NDUFS8: variants seen among roughly 807,000 people sequenced by gnomAD.
The protein encoded by NDUFS8 is NADH:ubiquinone oxidoreductase core subunit S8, also known as NADH dehydrogenase [ubiquinone] iron-sulfur protein 8, mitochondrial.
Under a neutral mutation model 25.6 loss-of-function variants are expected in NDUFS8, and 13 were observed. The ratio of observed to expected loss-of-function variants is 0.51; its 90% CI spans 0.33 to 0.81. The LOEUF (loss-of-function observed/expected upper bound fraction) is 0.81, where lower values mean the gene tolerates loss of function less well. Among genes scored for constraint, NDUFS8 ranks in the 30% least tolerant of loss-of-function variants. The pLI, the probability that NDUFS8 is intolerant of heterozygous loss-of-function variation, is 0.02. For missense variants in NDUFS8, 257 were observed against 300.9 expected (o/e 0.85, Z 1.08); for synonymous variants, 119 against 119.4 (o/e 1.00, Z 0.02).
In NDUFS8 at chr11:68,032,302, G is replaced by C. The variant is rs753486707; in HGVS notation, c.75G>C (p.Arg25=). ...TTTTTGCAGGACCTCCTGGTGGCCG[G>C]AGCCTCCACAGCAGTGCAGTGGCAG... ...QAARAGPPGG[R]SLHSSAVAAT... is the part of the protein sequence containing the mutation. The change falls in exon 3 of 7, where the codon CGG becomes CGC. Residue 25 remains arginine (R), a synonymous_variant. Coordinates refer to ENST00000313468, the MANE Select transcript of NDUFS8 (RefSeq NM_002496.4). 1 of 1,613,750 alleles carries C rather than the reference G, an allele frequency of 6.2e-7. No homozygotes were observed. Among genetic ancestry groups the C allele is most frequent in the Non-Finnish European group, 8.5e-7 (1 of 1,180,012 alleles).
intron 4 of NDUFS8, 25 bp downstream of exon 4, chr11:68,033,037 G>C (rs759069198): frequency 3.1e-6 from 5 of 1,613,504 alleles, no homozygotes; most frequent in Non-Finnish European, 4.2e-6. Flanking sequence ...TGAGGGGACA[G>C]GGAAGGTGCC....
At chr11:68,032,527 A>G in intron 3 of NDUFS8, 191 bp downstream of exon 3, 1 of 1,494,062 alleles carries the variant, frequency 6.7e-7, no homozygotes, top group South Asian at 1.3e-5. Flanking sequence ...TGCCGAGGTT[A>G]GCATGTGTGA....
At chr11:68,035,798 T>C in intron 5 of NDUFS8, 1 of 441,732 alleles carries the variant, frequency 2.3e-6, no homozygotes, top group Non-Finnish European at 4.5e-6. Flanking sequence ...GGTAAGCGGA[T>C]CACAAGGTCA....
rs753927337 is a variant in NDUFS8 at position 68,036,581 on chromosome 11, C to G, written c.621C>G (p.Tyr207Ter). ...TCGCCGCCAACATCCAGGCTGACTA[C>G]TTGTATCGGTGACGCCCCACCGGCC... Reference protein sequence around the residue: ...AEIAANIQADYLYR With the variant: ...AEIAANIQAD The change falls in exon 7 of 7, where the codon TAC (tyrosine) becomes TAG (stop). Residue 207 changes from tyrosine (Y) to a stop codon, truncating the protein, a stop_gained. Transcript: ENST00000313468. LOFTEE classifies it high-confidence loss of function. The G allele has an allele frequency of 6.2e-7, 1 of 1,613,908 alleles. No homozygotes were observed. The highest frequency in any genetic ancestry group is 8.5e-7 in the Non-Finnish European group (1 of 1,180,010).
At chr11:68,032,657 T>G in intron 3 of NDUFS8, 2 of 899,530 alleles carry the variant, frequency 2.2e-6, no homozygotes, top group Non-Finnish European at 3.3e-6. Context: ...CCCCCCTTGA[T>G]TCCTCTTTCA....
chr11:68,032,574 C>T (rs1043794478), intron 3 of NDUFS8: 14 of 1,423,362 alleles, frequency 9.8e-6, no homozygotes, highest in South Asian at 1.4e-5. Flanking sequence ...GAGGGGGTTG[C>T]CAGGTGTGAG....
At position 68,033,180 on chromosome 11, in the gene NDUFS8, C is replaced by G. The variant is rs746246241; in HGVS notation, c.269C>G (p.Pro90Arg). ...ATCAACTACCCGTTCGAGAAGGGCC[C>G]GCTGAGCCCTCGCTTCCGTGGGGAG... Reference protein sequence around the residue: ...ATINYPFEKGPLSPRFRGEHA... With the variant: ...ATINYPFEKGRLSPRFRGEHA... Residue 90 changes from proline (P) to arginine (R), a missense_variant, in exon 5 of 7, where the codon CCG becomes CGG. Coordinates refer to ENST00000313468, the MANE Select transcript of NDUFS8 (RefSeq NM_002496.4). 2 of 1,612,394 alleles carry G rather than the reference C, an allele frequency of 1.2e-6. No individual in the cohort carries two copies. Among genetic ancestry groups the G allele is most frequent in the Non-Finnish European group, 1.7e-6 (2 of 1,179,652 alleles).
At chr11:68,033,312 G>A (rs1242044473) in intron 5 of NDUFS8, 29 bp downstream of exon 5, 7 of 1,583,924 alleles carry the variant, frequency 4.4e-6, no homozygotes, top group African/African-American at 1.3e-5. Context: ...CGGCCACCAC[G>A]CCAGCCCCTG....
At position 68,032,305 on chromosome 11, in the gene NDUFS8, C is replaced by G. The variant is rs779201630; in HGVS notation, c.78C>G (p.Ser26Arg). The G allele has an allele frequency of 3.7e-6, 6 of 1,613,744 alleles. No individual in the cohort carries two copies. The highest frequency in any genetic ancestry group is 5.1e-6 in the Non-Finnish European group (6 of 1,180,016). Residue 26 changes from serine to arginine, a missense_variant, in exon 3 of 7, where the codon AGC becomes AGG. Coordinates refer to ENST00000313468, the MANE Select transcript of NDUFS8 (RefSeq NM_002496.4). ...AARAGPPGGR[S>R]LHSSAVAATY... ...TTGCAGGACCTCCTGGTGGCCGGAG[C>G]CTCCACAGCAGTGCAGTGGCAGCCA...
chr11:68,030,841 C>A, intron 1 of NDUFS8, 108 bp downstream of exon 1: 1 of 426,528 alleles, frequency 2.3e-6, no homozygotes, highest in South Asian at 1.6e-5. Context: ...GGCTTCCCCT[C>A]GGCTCACTCA....
At chr11:68,033,067 G>A (rs1211977177) in intron 4 of NDUFS8, 44 bp from the exon 5 acceptor site, 21 of 1,613,124 alleles carry the variant, frequency 1.3e-5, no homozygotes, top group Admixed American at 3.3e-5. Context: ...CGGATGCATG[G>A]GGGAGGAGGG....
At chr11:68,032,559 A>T (rs1391076394) in intron 3 of NDUFS8, 2 of 1,456,740 alleles carry the variant, frequency 1.4e-6, no homozygotes, top group African/African-American at 2.8e-5. Flanking sequence ...CCTGGGTGTG[A>T]TGGGGAGGGG....
intron 5 of NDUFS8, 141 bp downstream of exon 5, chr11:68,033,424 G>A (rs934312122): frequency 2.1e-5 from 21 of 985,078 alleles, no homozygotes; most frequent in Admixed American, 6.0e-5. Flanking sequence ...CACTTCCCTC[G>A]TGAATGGGAA....
chr11:68,032,007 C>A, intron 1 of NDUFS8, 145 bp from the exon 2 acceptor site: 1 of 1,191,628 alleles, frequency 8.4e-7, no homozygotes, highest in Non-Finnish European at 1.2e-6. Context: ...AACAGGAAAG[C>A]CATCTGTGCC....
At position 68,030,700 on chromosome 11, in the gene NDUFS8, T is replaced by G; in HGVS notation, c.-34T>G. The G allele has an allele frequency of 3.0e-6, 1 of 331,678 alleles. No individual in the cohort carries two copies. Among genetic ancestry groups the G allele is most frequent in the Non-Finnish European group, 6.0e-6 (1 of 167,178 alleles). The allele number at this position is 331,678 out of a possible 1,614,324, so 20.5% of individuals were successfully genotyped here. A position where few individuals can be genotyped will look rare whatever the true frequency, so the allele number is the denominator to read the frequency against. On this transcript the variant is annotated 5_prime_UTR_variant, in exon 1 of 7. Coordinates refer to ENST00000313468, the MANE Select transcript of NDUFS8 (RefSeq NM_002496.4). ...GCCTCCGCCTCCCGATTGACTGGCC[T>G]GCTTGGCAAGGCAAGTAGCGGCGGC...
At chr11:68,032,432 G>A (rs372874720) in intron 3 of NDUFS8, 96 bp downstream of exon 3, 2 of 1,602,872 alleles carry the variant, frequency 1.2e-6, no homozygotes, top group Non-Finnish European at 1.7e-6. Context: ...TTTGTCAGGG[G>A]CGTTCTTCTC....
intron 5 of NDUFS8, chr11:68,035,512 T>C (rs554571598): frequency 2.2e-4 from 56 of 258,666 alleles, no homozygotes; most frequent in African/African-American, 1.3e-3. Flanking sequence ...GTTGGTAAAA[T>C]GACATCAGTG....
rs775708906 is a variant in NDUFS8 at position 68,036,386 on chromosome 11, G to T, written c.501+5G>T. On this transcript the variant is annotated splice_donor_5th_base_variant and intron_variant, in intron 6 of 6. Coordinates refer to ENST00000313468, the MANE Select transcript of NDUFS8 (RefSeq NM_002496.4). ...CCCGTGGATGCCATCGTCGAGGCAC[G>T]TGAGGCCCCCGGGTGGGAGGGGGCC... 1.2e-6 allele frequency: 2 copies of T among 1,613,744 alleles called. No homozygotes were observed. Among genetic ancestry groups the T allele is most frequent in the African/African-American group, 1.3e-5 (1 of 75,044 alleles).
chr11:68,032,194 C>G lies in NDUFS8; in HGVS notation c.43C>G (p.Gln15Glu). ...GCCTATGCTGCTGCGGGCCCTGGCC[C>G]AGGCTGCACGTGCAGGTAGGACCAA... is the stretch of plus-strand genomic sequence containing the variant. The part of the protein sequence containing the change: ...TTPMLLRALA[Q>E]AARAGPPGGR... The change falls in exon 2 of 7, where the codon CAG becomes GAG. Residue 15 changes from glutamine to glutamate, a missense_variant. By Grantham distance (29) the Gln-to-Glu change is conservative. Transcript: ENST00000313468. 1 of 1,613,200 alleles carries G rather than the reference C, an allele frequency of 6.2e-7. No homozygotes were observed. The highest frequency in any genetic ancestry group is 8.5e-7 in the Non-Finnish European group (1 of 1,180,036).
Sources: gnomAD v4.1 joint callset for allele counts on GRCh38, gnomAD v4.1.1 for gene constraint, MANE v1.5 for transcripts, NCBI Gene and HGNC (gene_info 2026-07-23, HGNC 2026-07-21) for gene names.